The following MMD2 variants were observed in gnomAD, a reference collection of about 807,000 sequenced individuals.
MMD2 encodes the protein monocyte to macrophage differentiation associated 2, also known as monocyte to macrophage differentiation factor 2.
MMD2 carries 30 observed loss-of-function variants against 33.5 expected under a neutral mutation model. The ratio of observed to expected loss-of-function variants is 0.90; its 90% CI spans 0.67 to 1.22. The LOEUF (loss-of-function observed/expected upper bound fraction) is 1.22. Ranked by LOEUF, MMD2 falls within the 50% of genes most tolerant of loss-of-function variation. MMD2 has a pLI of 0.00. For synonymous variants in MMD2, 129 were observed against 123.0 expected (o/e 1.05, Z -0.32); for missense variants, 364 against 325.4 (o/e 1.12, Z -0.91).
the MMD2 span, among the ~76,000 whole-genome samples, chr7:4,899,082 G>A: frequency 2.0e-5 from 3 of 152,162 alleles, no homozygotes; most frequent in East Asian, 3.9e-4. Flanking sequence ...TACACAAGAG[G>A]CCTGAGAGAG....
chr7:4,944,459 C>T (rs961677718), intron 1 of MMD2, among the ~76,000 whole-genome samples: 2 of 152,148 alleles, frequency 1.3e-5, no homozygotes, highest in Admixed American at 6.5e-5. Context: ...GCCCACCCCA[C>T]GCTGGATCTG....
At chr7:4,896,041 C>T in the MMD2 span, among the ~76,000 whole-genome samples, 50,064 of 151,772 alleles carry the variant, frequency 0.33, 9,290 homozygotes, top group South Asian at 0.45. Flanking sequence ...ATGATGTGTC[C>T]CCTCCTTTTG....
chr7:4,908,286 C>T (rs369026787), intron 6 of MMD2, among the ~76,000 whole-genome samples: 4 of 151,678 alleles, frequency 2.6e-5, no homozygotes, highest in African/African-American at 7.2e-5. Context: ...GGACTACAGG[C>T]ATGCACCACC....
At chr7:4,904,349 C>T (rs1350101957), downstream of MMD2, among the ~76,000 whole-genome samples, 1 of 152,128 alleles carries the variant, frequency 6.6e-6, no homozygotes, top group Non-Finnish European at 1.5e-5. Context: ...ACTTAGGATA[C>T]ATTCAGAGGA....
intron 1 of MMD2, among the ~76,000 whole-genome samples, chr7:4,930,968 A>G (rs1785570173): frequency 6.6e-6 from 1 of 152,042 alleles, no homozygotes; most frequent in African/African-American, 2.4e-5. Flanking sequence ...CGCCTGCCTC[A>G]GACTCCTGAG....
chr7:4,923,636 G>C (rs528647638), intron 2 of MMD2, among the ~76,000 whole-genome samples: 1 of 152,248 alleles, frequency 6.6e-6, no homozygotes, highest in South Asian at 2.1e-4. Context: ...GTGCAGTGTA[G>C]ACTTGTGTCG....
At chr7:4,919,416 A>G (rs938040782) in intron 3 of MMD2, among the ~76,000 whole-genome samples, 3 of 151,900 alleles carry the variant, frequency 2.0e-5, no homozygotes, top group Non-Finnish European at 4.4e-5. Flanking sequence ...AAAAAGATAC[A>G]AGAATTAGCC....
chr7:4,947,602 C>T (rs889710466), intron 1 of MMD2, among the ~76,000 whole-genome samples: 23 of 150,776 alleles, frequency 1.5e-4, no homozygotes, highest in African/African-American at 5.6e-4. Flanking sequence ...ACCATGTTAG[C>T]CAGGATGGTC....
chr7:4,920,098 AC>A (rs200390471), intron 3 of MMD2, 72 bp downstream of exon 3: 5 of 1,478,542 alleles, frequency 3.4e-6, no homozygotes, highest in Non-Finnish European at 2.7e-6. Flanking sequence ...ATCCTGGTTC[AC>A]CCCCCGGGCT....
intron 1 of MMD2, among the ~76,000 whole-genome samples, chr7:4,945,213 T>TTCTTCTTCTTCTTCTTCTTCTTC (rs1786036176): frequency 6.9e-6 from 1 of 144,406 alleles, no homozygotes; most frequent in African/African-American, 2.6e-5. Flanking sequence ...CTTCTTCTTC[T>TTCTTCTTCTTCTTCTTCTTCTTC]TCTTCTTCTT....
intron 4 of MMD2, among the ~76,000 whole-genome samples, chr7:4,911,975 G>C (rs1785026042): frequency 1.3e-5 from 2 of 151,882 alleles, no homozygotes; most frequent in African/African-American, 4.8e-5. Flanking sequence ...ATTATTTTAA[G>C]AGACAGGGTC....
chr7:4,942,401 G>T (rs1785935380), intron 1 of MMD2, among the ~76,000 whole-genome samples: 1 of 136,494 alleles, frequency 7.3e-6, no homozygotes, highest in Non-Finnish European at 1.6e-5. Context: ...GGCCCTGCCT[G>T]GGAGGACATT....
At chr7:4,925,921 C>A (rs1030772177) in intron 1 of MMD2, among the ~76,000 whole-genome samples, 4 of 152,300 alleles carry the variant, frequency 2.6e-5, no homozygotes, top group South Asian at 4.1e-4. Flanking sequence ...TCAAGCAATT[C>A]TCTTGCCTCA....
At chr7:4,934,154 T>A (rs1053664471) in intron 1 of MMD2, among the ~76,000 whole-genome samples, 3 of 152,042 alleles carry the variant, frequency 2.0e-5, no homozygotes, top group African/African-American at 7.2e-5. Context: ...GGTCTCAAAC[T>A]CCTGACCTCA....
chr7:4,895,158 A>G, the MMD2 span, among the ~76,000 whole-genome samples: 11 of 150,740 alleles, frequency 7.3e-5, no homozygotes, highest in Non-Finnish European at 1.5e-4. Context: ...GCTCACTGCA[A>G]CCTCCGCTCC....
At chr7:4,942,320 G>A (rs769173855) in intron 1 of MMD2, among the ~76,000 whole-genome samples, 5 of 150,984 alleles carry the variant, frequency 3.3e-5, no homozygotes, top group Middle Eastern at 6.9e-3. Context: ...GGCTGTTCTC[G>A]AATACCTGGC....
downstream of MMD2, among the ~76,000 whole-genome samples, chr7:4,903,983 A>G (rs561514903): frequency 1.1e-4 from 17 of 152,154 alleles, no homozygotes; most frequent in African/African-American, 3.4e-4. Flanking sequence ...CCCAGGCTGG[A>G]GTGCAGTGGT....
Position 4,920,272 on chromosome 7 carries a change from G to C in MMD2, c.189C>G (p.Asp63Glu). The C allele has an allele frequency of 6.2e-7, 1 of 1,606,464 alleles. No individual in the cohort carries two copies. The highest frequency in any genetic ancestry group is 8.5e-7 in the Non-Finnish European group (1 of 1,176,924). ...SSNLYFLSDD[D>E]WETISAWIYG... ...AGATCCAGGCAGAGATGGTCTCCCA[G>C]TCATCGTCCGACAGGAAGTAGAGGT... Residue 63 changes from aspartate (D) to glutamate (E), a missense_variant, in exon 3 of 7, where the codon GAC becomes GAG. Asp to Glu is a conservative substitution (Grantham distance 45). Transcript: ENST00000401401.
intron 4 of MMD2, among the ~76,000 whole-genome samples, chr7:4,915,212 AGT>A (rs1369810877): frequency 6.6e-6 from 1 of 151,928 alleles, no homozygotes; most frequent in East Asian, 1.9e-4. Context: ...TGGAGGCTGC[AGT>A]GAGCTATGAT....
Sources: allele counts gnomAD v4.1 joint callset (sites outside exome capture counted in the v4.1 genomes callset), GRCh38; gene constraint gnomAD v4.1.1; transcripts MANE v1.5; gene names NCBI Gene and HGNC (gene_info 2026-07-23, HGNC 2026-07-21).